The following ZNF804B variants were observed in gnomAD, a reference collection of about 807,000 sequenced individuals.
The protein encoded by ZNF804B is zinc finger 804B.
In ZNF804B, 80 loss-of-function variants were observed where a neutral mutation model predicts 101.4. The observed-to-expected ratio is 0.79, with a 90% CI of 0.66 to 0.95. ZNF804B has a LOEUF of 0.95. Among genes scored for constraint, ZNF804B ranks in the 40% least tolerant of loss-of-function variants. The probability of loss-of-function intolerance (pLI) is 0.00; values close to 1 mark genes in which losing one functional copy is unlikely to be tolerated. For missense variants in ZNF804B, 1,673 were observed against 1,561.9 expected (o/e 1.07, Z -1.20); for synonymous variants, 622 against 558.8 (o/e 1.11, Z -1.59).
At chr7:88,911,452 T>TTA (rs1055360979) in intron 1 of ZNF804B, among the ~76,000 whole-genome samples, 2 of 148,370 alleles carry the variant, frequency 1.3e-5, no homozygotes, top group African/African-American at 2.4e-5. Context: ...TTTATATGAT[T>TTA]TATATATATT....
intron 1 of ZNF804B, among the ~76,000 whole-genome samples, chr7:89,036,393 A>G (rs1290017349): frequency 1.3e-5 from 2 of 151,896 alleles, no homozygotes; most frequent in Non-Finnish European, 2.9e-5. Context: ...GCAGTTAATA[A>G]TGTTATTAAT....
chr7:88,861,243 A>G (rs557236132), intron 1 of ZNF804B, among the ~76,000 whole-genome samples: 2 of 152,304 alleles, frequency 1.3e-5, no homozygotes, highest in Admixed American at 6.5e-5. Flanking sequence ...AATGGCTACC[A>G]TTTTAAGCAC....
At chr7:89,238,657 G>A (rs1789318902) in intron 2 of ZNF804B, among the ~76,000 whole-genome samples, 1 of 152,182 alleles carries the variant, frequency 6.6e-6, no homozygotes. Flanking sequence ...TATTGCCAAG[G>A]GGCAAATAAA....
At chr7:88,871,727 G>A (rs1212069707) in intron 1 of ZNF804B, among the ~76,000 whole-genome samples, 1 of 152,132 alleles carries the variant, frequency 6.6e-6, no homozygotes, top group Admixed American at 6.5e-5. Context: ...ACTTTGGAAG[G>A]CCAAGGCTGG....
chr7:89,166,774 T>G (rs577250126), intron 1 of ZNF804B, among the ~76,000 whole-genome samples: 1 of 152,300 alleles, frequency 6.6e-6, no homozygotes, highest in African/African-American at 2.4e-5. Context: ...ATTGGAGAGA[T>G]GAACTTCCCA....
chr7:88,763,499 T>C (rs751362764), intron 1 of ZNF804B, among the ~76,000 whole-genome samples: 4 of 151,574 alleles, frequency 2.6e-5, no homozygotes, highest in Non-Finnish European at 5.9e-5. Flanking sequence ...CTAATTAAAA[T>C]GGGAATAATT....
chr7:88,920,227 A>G (rs1358274422), intron 1 of ZNF804B, among the ~76,000 whole-genome samples: 2 of 152,074 alleles, frequency 1.3e-5, no homozygotes, highest in Non-Finnish European at 2.9e-5. Context: ...CATCTATGCA[A>G]TTGTGTTGTT....
chr7:88,882,570 C>T (rs1189483215), intron 1 of ZNF804B, among the ~76,000 whole-genome samples: 2 of 152,118 alleles, frequency 1.3e-5, no homozygotes, highest in African/African-American at 4.8e-5. Context: ...ACAACATGCA[C>T]TTGTATGTTG....
rs189250871 is a variant in ZNF804B, at chr7:88,848,668, G to A, written c.108+88584G>A. On this transcript the variant is annotated intron_variant, in intron 1 of 3. Transcript: ENST00000333190. Reference sequence around the variant, plus strand: ...AAACGTGTCTAGTTTTAGAAATTACGGACTTGATTAGGAGAAAGGATTAAG... The same window carrying A: ...AAACGTGTCTAGTTTTAGAAATTACAGACTTGATTAGGAGAAAGGATTAAG... Among the ~76,000 whole-genome samples, 10 of 146,498 alleles carry A rather than the reference G, an allele frequency of 6.8e-5. No homozygotes were observed. In the East Asian group the frequency reaches 1.4e-3, roughly 20 times the overall value.
chr7:89,198,246 T>C (rs1208476295), intron 1 of ZNF804B, among the ~76,000 whole-genome samples: 1 of 151,902 alleles, frequency 6.6e-6, no homozygotes, highest in Non-Finnish European at 1.5e-5. Flanking sequence ...TTAAAGCTTT[T>C]AACTATTAAA....
intron 1 of ZNF804B, among the ~76,000 whole-genome samples, chr7:88,834,009 C>G (rs1272788626): frequency 6.6e-6 from 1 of 151,528 alleles, no homozygotes; most frequent in Non-Finnish European, 1.5e-5. Context: ...AGAAATGGGG[C>G]TAGTTTTCAG....
chr7:89,334,416 G>A lies in ZNF804B; in HGVS notation c.1434G>A (p.Leu478=), dbSNP rs1446714424. 1 of 1,613,678 alleles carries A rather than the reference G, an allele frequency of 6.2e-7. No homozygotes were observed. The highest frequency in any genetic ancestry group is 2.2e-5 in the East Asian group (1 of 44,848). Residue 478 remains leucine (L), a synonymous_variant, in exon 4 of 4, where the codon CTG becomes CTA. Coordinates refer to ENST00000333190, the MANE Select transcript of ZNF804B (RefSeq NM_181646.5). Reference sequence around the variant, plus strand: ...GTATCTCTTATGGCTGCAACCCACTGTATTTTGATTTTAAGCTTTCTCGGA... The same window carrying A: ...GTATCTCTTATGGCTGCAACCCACTATATTTTGATTTTAAGCTTTCTCGGA... ...EPCISYGCNP[L]YFDFKLSRNT... is the part of the protein sequence containing the mutation.
chr7:89,309,759 CAAAAAAAAAAAAAAAAAAAAAAA>C (rs397791531), intron 2 of ZNF804B, among the ~76,000 whole-genome samples: 16 of 70,782 alleles, frequency 2.3e-4, no homozygotes, highest in South Asian at 6.7e-4. Context: ...GACCCTGTCT[CAAAAAAAAAAAAAAAAAAAAAAA>C]AAAAAAAAAA....
At chr7:88,810,521 G>T (rs896436105) in intron 1 of ZNF804B, among the ~76,000 whole-genome samples, 1 of 151,758 alleles carries the variant, frequency 6.6e-6, no homozygotes, top group Non-Finnish European at 1.5e-5. Flanking sequence ...AATTATCAAG[G>T]TGTGGTGCTG....
chr7:89,180,811 G>A (rs1489436321), intron 1 of ZNF804B, among the ~76,000 whole-genome samples: 1 of 149,310 alleles, frequency 6.7e-6, no homozygotes, highest in Admixed American at 6.7e-5. Flanking sequence ...TGTGAACAGA[G>A]GACAGCACCA....
rs1788580760 is a variant in ZNF804B, at chr7:89,017,194, G to C, written c.109-200961G>C. 7.9e-5 allele frequency among the ~76,000 whole-genome samples: 12 copies of C among 152,312 alleles called. No individual in the cohort carries two copies. The South Asian group carries it at 2.5e-3, about 32-fold the overall frequency. Reference sequence around the variant, plus strand: ...TTTTTGTACATTGATATTGTATCGTGAGACTTTGCTGAAGTTGCTTATCAG... The same window carrying C: ...TTTTTGTACATTGATATTGTATCGTCAGACTTTGCTGAAGTTGCTTATCAG... On this transcript the variant is annotated intron_variant, in intron 1 of 3. Coordinates refer to ENST00000333190, the MANE Select transcript of ZNF804B (RefSeq NM_181646.5).
At chr7:88,931,745 C>A (rs1792889360) in intron 1 of ZNF804B, among the ~76,000 whole-genome samples, 1 of 151,700 alleles carries the variant, frequency 6.6e-6, no homozygotes, top group Admixed American at 6.6e-5. Context: ...ATCACCTTGC[C>A]TGGAATCTAG....
chr7:89,144,637 C>G (rs62461907), intron 1 of ZNF804B, among the ~76,000 whole-genome samples: 12,564 of 151,604 alleles, frequency 0.083, 554 homozygotes, highest in South Asian at 0.093. Context: ...TATTATGCAA[C>G]ATGGTGACTA....
intron 1 of ZNF804B, among the ~76,000 whole-genome samples, chr7:89,108,089 G>C (rs1468307307): frequency 6.6e-6 from 1 of 152,056 alleles, no homozygotes; most frequent in Non-Finnish European, 1.5e-5. Context: ...TGAACCGATT[G>C]GTAATAGAAT....
Sources: allele counts gnomAD v4.1 joint callset (sites outside exome capture counted in the v4.1 genomes callset), GRCh38; gene constraint gnomAD v4.1.1; transcripts MANE v1.5; gene names NCBI Gene and HGNC (gene_info 2026-07-23, HGNC 2026-07-21).